The following IL1RAPL1 variants were observed in gnomAD, a reference collection of about 807,000 sequenced individuals.
IL1RAPL1 encodes the protein interleukin-1 receptor accessory protein-like 1.
IL1RAPL1 carries 3 observed loss-of-function variants against 48.4 expected under a neutral mutation model. The ratio of observed to expected loss-of-function variants is 0.06; its 90% CI spans 0.03 to 0.16. The LOEUF (loss-of-function observed/expected upper bound fraction) is 0.16, where lower values mean the gene tolerates loss of function less well. Ranked by LOEUF, IL1RAPL1 falls within the 10% of genes least tolerant of loss-of-function variation. IL1RAPL1 has a pLI of 1.00. For missense variants in IL1RAPL1, 349 were observed against 530.6 expected (o/e 0.66, Z 3.36); for synonymous variants, 185 against 187.7 (o/e 0.99, Z 0.12).
At chrX:29,788,286 C>T (rs12841251) in intron 6 of IL1RAPL1, among the ~76,000 whole-genome samples, 3,725 of 111,428 alleles carry the variant, frequency 0.033, 71 homozygotes, top group Non-Finnish European at 0.05. Flanking sequence ...CCTAGATTCT[C>T]GTGCTTGTAG....
chrX:29,766,342 A>AAATATATATATAT lies in IL1RAPL1; in HGVS notation c.778+97839_778+97840insATATATATATATA, dbSNP rs1200679211. Among the ~76,000 whole-genome samples the AAATATATATATAT allele has an allele frequency of 1.9e-3, 89 of 47,503 alleles. 4 individuals are homozygous for AAATATATATATAT. The highest frequency in any genetic ancestry group is 7.7e-3 in the African/African-American group (85 of 11,045). The allele number at this position is 47,503 out of a possible 115,157, so 41.3% of individuals were successfully genotyped here. On this transcript the variant is annotated intron_variant, in intron 6 of 10. Transcript: ENST00000378993. ...GACTCCGTCTCAAAAAAAAAAAAAAAATATATATATATATATATATAGATA... is the reference window on the plus strand; with the variant it reads ...GACTCCGTCTCAAAAAAAAAAAAAAAAATATATATATATATATATATATATATATATATAGATA...
At chrX:28,715,633 A>G (rs2146936998) in intron 1 of IL1RAPL1, among the ~76,000 whole-genome samples, 1 of 111,796 alleles carries the variant, frequency 8.9e-6, no homozygotes, top group East Asian at 2.8e-4. Context: ...TGAACCAGGA[A>G]GAAATAGAAT....
rs756550802 is a variant in IL1RAPL1, at chrX:29,133,859, C to T, written c.83-149079C>T. Among the ~76,000 whole-genome samples the T allele has an allele frequency of 2.7e-5, 3 of 111,645 alleles. No individual in the cohort carries two copies. In the East Asian group the frequency reaches 8.5e-4, roughly 31 times the overall value. On this transcript the variant is annotated intron_variant, in intron 2 of 10. Coordinates refer to ENST00000378993, the MANE Select transcript of IL1RAPL1 (RefSeq NM_014271.4). ...TGTTTATCCCTCCTTCTCCCAACCC[C>T]TAACCCTTGGCAACCAGTGATCTTT...
At chrX:28,839,501 A>C (rs1309313059) in intron 2 of IL1RAPL1, among the ~76,000 whole-genome samples, 1 of 110,473 alleles carries the variant, frequency 9.1e-6, no homozygotes, top group Non-Finnish European at 1.9e-5. Flanking sequence ...CACTATTTTG[A>C]AATGATATTT....
intron 5 of IL1RAPL1, among the ~76,000 whole-genome samples, chrX:29,578,048 T>C (rs775609642): frequency 5.3e-4 from 59 of 111,920 alleles, no homozygotes; most frequent in Non-Finnish European, 1.3e-4. Flanking sequence ...GGTAATTAGA[T>C]TGTGAGGCCC....
At chrX:29,951,414 A>T (rs1158635233) in intron 9 of IL1RAPL1, among the ~76,000 whole-genome samples, 1 of 112,189 alleles carries the variant, frequency 8.9e-6, no homozygotes, top group Non-Finnish European at 1.9e-5. Flanking sequence ...TTTAGACAAT[A>T]AGTAGCCACA....
intron 2 of IL1RAPL1, among the ~76,000 whole-genome samples, chrX:29,029,938 ATTCT>A (rs1926579358): frequency 1.9e-5 from 2 of 102,834 alleles, no homozygotes; most frequent in South Asian, 8.4e-4. Context: ...CTTTATCGAG[ATTCT>A]TTTTTTTTTT....
At chrX:29,263,734 T>G (rs1360872340) in intron 2 of IL1RAPL1, among the ~76,000 whole-genome samples, 2 of 110,526 alleles carry the variant, frequency 1.8e-5, no homozygotes, top group Non-Finnish European at 3.8e-5. Context: ...GGGATAAGAT[T>G]TAGTCCAGGG....
intron 2 of IL1RAPL1, among the ~76,000 whole-genome samples, chrX:28,855,012 TTTTG>T (rs1368359773): frequency 1.9e-5 from 2 of 106,764 alleles, no homozygotes; most frequent in South Asian, 4.5e-4. Context: ...ACAGCATCTT[TTTTG>T]TTTGTTTATT....
chrX:29,637,263 CTTATG>C (rs200983204), intron 5 of IL1RAPL1, among the ~76,000 whole-genome samples: 1,617 of 98,026 alleles, frequency 0.016, 39 homozygotes, highest in African/African-American at 0.058. Context: ...TTATATATCT[CTTATG>C]TTATATATAT....
At chrX:29,165,721 A>G (rs539573529) in intron 2 of IL1RAPL1, among the ~76,000 whole-genome samples, 1 of 112,204 alleles carries the variant, frequency 8.9e-6, no homozygotes, top group South Asian at 3.7e-4. Context: ...ACGCTGTGCT[A>G]TATCACTAAA....
intron 6 of IL1RAPL1, among the ~76,000 whole-genome samples, chrX:29,888,714 A>T (rs974311455): frequency 1.8e-5 from 2 of 109,528 alleles, no homozygotes; most frequent in Non-Finnish European, 3.8e-5. Flanking sequence ...ACAGTTTTTC[A>T]TAGGTCTTCA....
At chrX:28,741,351 T>C (rs754325529) in intron 1 of IL1RAPL1, among the ~76,000 whole-genome samples, 7 of 111,959 alleles carry the variant, frequency 6.3e-5, no homozygotes, top group Admixed American at 1.9e-4. Context: ...TTTTGAGAAG[T>C]GTCTGTTCAT....
chrX:29,159,030 C>T (rs1048059242), intron 2 of IL1RAPL1, among the ~76,000 whole-genome samples: 8 of 94,696 alleles, frequency 8.4e-5, no homozygotes, highest in Non-Finnish European at 1.4e-4. Flanking sequence ...ATGGAGTTTC[C>T]CTCTTGTTGC....
chrX:29,332,608 TTTTATTTATTTA>T lies in IL1RAPL1; in HGVS notation c.362+49423_362+49434del, dbSNP rs143450419. 5.6e-3 allele frequency among the ~76,000 whole-genome samples: 502 copies of T among 90,080 alleles called. 1 individual carries two copies. Among genetic ancestry groups the T allele is most frequent in the African/African-American group, 0.013 (320 of 23,794 alleles). The allele number at this position is 90,080 out of a possible 115,157, so 78.2% of individuals were successfully genotyped here. A position where few individuals can be genotyped will look rare whatever the true frequency, so the allele number is the denominator to read the frequency against. ...GTAACATGGGAGAACTTGGCCCATA[TTTTATTTATTTA>T]TTTATTTATTTATTTATTTATTTAT... On this transcript the variant is annotated intron_variant, in intron 3 of 10. Transcript: ENST00000378993.
At chrX:29,418,498 CT>C (rs896378971) in intron 5 of IL1RAPL1, among the ~76,000 whole-genome samples, 4 of 111,125 alleles carry the variant, frequency 3.6e-5, no homozygotes, top group African/African-American at 1.3e-4. Context: ...TGTGTATCAA[CT>C]TTTATAAGTC....
intron 5 of IL1RAPL1, among the ~76,000 whole-genome samples, chrX:29,588,621 A>G (rs1464606579): frequency 1.8e-5 from 2 of 111,940 alleles, no homozygotes; most frequent in Non-Finnish European, 3.8e-5. Flanking sequence ...TCTCTAAACT[A>G]CTATACTACG....
At chrX:29,320,063 T>C (rs1932793485) in intron 3 of IL1RAPL1, among the ~76,000 whole-genome samples, 1 of 111,864 alleles carries the variant, frequency 8.9e-6, no homozygotes, top group Non-Finnish European at 1.9e-5. Flanking sequence ...ATTTGTATTT[T>C]GTTTTTGTTC....
intron 6 of IL1RAPL1, among the ~76,000 whole-genome samples, chrX:29,898,760 A>G (rs1932438903): frequency 8.9e-6 from 1 of 112,189 alleles, no homozygotes; most frequent in South Asian, 3.7e-4. Context: ...AAAGACAAGA[A>G]GACAGTTATT....
Sources: allele counts gnomAD v4.1 joint callset (sites outside exome capture counted in the v4.1 genomes callset), GRCh38; gene constraint gnomAD v4.1.1; transcripts MANE v1.5; gene names NCBI Gene and HGNC (gene_info 2026-07-23, HGNC 2026-07-21).